Variants in HMGN2 observed in about 807,000 individuals in gnomAD.
HMGN2 encodes high mobility group nucleosomal binding domain 2.
Under a neutral mutation model 16.9 loss-of-function variants are expected in HMGN2, and 2 were observed. The ratio of observed to expected loss-of-function variants is 0.12; its 90% CI spans 0.05 to 0.37. The LOEUF (loss-of-function observed/expected upper bound fraction) is 0.37, where lower values mean the gene tolerates loss of function less well. HMGN2 is among the 10% of genes least tolerant of loss of function. The pLI is 1.00. For synonymous variants in HMGN2, 31 were observed against 34.9 expected, an observed-to-expected ratio of 0.89 and a Z score of 0.39; for missense variants, 90 against 106.0, an observed-to-expected ratio of 0.85 and a Z score of 0.66.
Position 26,473,330 on chromosome 1 carries a change from C to T in HMGN2, c.16-153C>T, listed in dbSNP as rs541791773. 116 of 623,494 alleles carry T rather than the reference C, an allele frequency of 1.9e-4. 1 individual carries two copies. Among genetic ancestry groups the T allele is most frequent in the African/African-American group, 1.8e-3 (100 of 54,280 alleles). 38.6% of individuals were successfully genotyped at this position (623,494 alleles called of 1,614,324 possible). On this transcript the variant is annotated intron_variant, in intron 1 of 5. Coordinates refer to ENST00000361427, the MANE Select transcript of HMGN2 (RefSeq NM_005517.4). Reference sequence around the variant, plus strand: ...CGGCGAGCCGGAGCTCCTGCGCGCGCTTCGTTCTTATACGAACGTCGGGCT... The same window carrying T: ...CGGCGAGCCGGAGCTCCTGCGCGCGTTTCGTTCTTATACGAACGTCGGGCT...
intron 4 of HMGN2, 115 bp downstream of exon 4, chr1:26,474,250 G>A: frequency 2.7e-6 from 2 of 732,026 alleles, no homozygotes; most frequent in Non-Finnish European, 4.5e-6. Context: ...TGTGTGGATA[G>A]CTTACCTCGT....
chr1:26,472,544 G>A lies in HMGN2; in HGVS notation c.-69G>A, dbSNP rs1353583115. Reference sequence around the variant, plus strand: ...AAGAGGCGAGAACGACCCCCGGACCGACCAAAGCCCGCGCGCCGCTGCATC... The same window carrying A: ...AAGAGGCGAGAACGACCCCCGGACCAACCAAAGCCCGCGCGCCGCTGCATC... On this transcript the variant is annotated 5_prime_UTR_variant, in exon 1 of 6. Coordinates refer to ENST00000361427, the MANE Select transcript of HMGN2 (RefSeq NM_005517.4). 2.6e-6 allele frequency: 4 copies of A among 1,530,502 alleles called. No homozygotes were observed. The highest frequency in any genetic ancestry group is 4.9e-5 in the East Asian group (2 of 40,772). The allele number at this position is 1,530,502 out of a possible 1,614,324, so 94.8% of individuals were successfully genotyped here. A position where few individuals can be genotyped will look rare whatever the true frequency, so the allele number is the denominator to read the frequency against.
chr1:26,472,737 T>C (rs1373664628), intron 1 of HMGN2, 110 bp downstream of exon 1: 7 of 979,804 alleles, frequency 7.1e-6, no homozygotes, highest in Non-Finnish European at 8.6e-6. Flanking sequence ...CAGCGCAGCC[T>C]CCCCGCGCGG....
Position 26,475,369 on chromosome 1 carries a change from C to CTT in HMGN2, c.*223_*224dup, listed in dbSNP as rs1423390525. 4.9e-6 allele frequency: 2 copies of CTT among 411,992 alleles called. No homozygotes were observed. The highest frequency in any genetic ancestry group is 8.7e-6 in the Non-Finnish European group (2 of 230,556). 25.5% of individuals were successfully genotyped at this position (411,992 alleles called of 1,614,324 possible). A position where few individuals can be genotyped will look rare whatever the true frequency, so the allele number is the denominator to read the frequency against. ...AGCTGGATTGATGTGGAGAAAACAC[C>CTT]TTTCCCTTCTAGTTTTGAGAGACTT... On this transcript the variant is annotated 3_prime_UTR_variant, in exon 6 of 6. Transcript: ENST00000361427.
rs563195125 is a variant in HMGN2, at chr1:26,475,305, T to C, written c.*157T>C. ...ACACAGAACACTTCATTGTTGTTTTTGGGGGAAGGGGCATATGTCACTAAT... is the reference window on the plus strand; with the variant it reads ...ACACAGAACACTTCATTGTTGTTTTCGGGGGAAGGGGCATATGTCACTAAT... On this transcript the variant is annotated 3_prime_UTR_variant, in exon 6 of 6. Coordinates refer to ENST00000361427, the MANE Select transcript of HMGN2 (RefSeq NM_005517.4). 1 of 530,366 alleles carries C rather than the reference T, an allele frequency of 1.9e-6. No homozygotes were observed. The highest frequency in any genetic ancestry group is 1.9e-5 in the African/African-American group (1 of 52,012). 32.9% of individuals were successfully genotyped at this position (530,366 alleles called of 1,614,324 possible).
chr1:26,474,094 C>G lies in HMGN2; in HGVS notation c.100C>G (p.Pro34Ala). The change falls in exon 4 of 6, where the codon CCT (proline) becomes GCT (alanine). Residue 34 changes from proline (P) to alanine (A), a missense_variant. By Grantham distance (27) the Pro-to-Ala change is conservative (BLOSUM62 -1). Coordinates refer to ENST00000361427, the MANE Select transcript of HMGN2 (RefSeq NM_005517.4). ...TTCCTGCCAAAAAAAGAAACCTGCTCCTCCAAAGCCAGAGCCCAAGCCTAA... is the reference window on the plus strand; with the variant it reads ...TTCCTGCCAAAAAAAGAAACCTGCTGCTCCAAAGCCAGAGCCCAAGCCTAA... The part of the protein sequence containing the change: ...RSARLSAKPA[P>A]PKPEPKPKKA... 6.2e-7 allele frequency: 1 copy of G among 1,611,362 alleles called. No homozygotes were observed. The highest frequency in any genetic ancestry group is 1.1e-5 in the South Asian group (1 of 90,706).
chr1:26,473,850 T>G (rs550079083), intron 3 of HMGN2, 118 bp downstream of exon 3: 7 of 1,058,928 alleles, frequency 6.6e-6, no homozygotes, highest in Admixed American at 2.0e-5. Context: ...TTGCCTCTAC[T>G]TGGGACTCTT....
rs112925635 is a variant in HMGN2 at position 26,472,457 on chromosome 1, G to A, written c.-156G>A. 9.1e-6 allele frequency: 8 copies of A among 877,816 alleles called. No homozygotes were observed. The highest frequency in any genetic ancestry group is 5.3e-5 in the African/African-American group (3 of 56,886). 54.4% of individuals were successfully genotyped at this position (877,816 alleles called of 1,614,324 possible). On this transcript the variant is annotated 5_prime_UTR_variant, in exon 1 of 6. Transcript: ENST00000361427. ...CGGGAGGTGAAATCCGGTTCTAACCGGTCCGGGGCTCCCAGCGCTATAAAA... is the reference window on the plus strand; with the variant it reads ...CGGGAGGTGAAATCCGGTTCTAACCAGTCCGGGGCTCCCAGCGCTATAAAA...
At chr1:26,473,044 G>GGCGGGGCCATACCGCACAAGCC (rs1488332740) in intron 1 of HMGN2, among the ~76,000 whole-genome samples, 1 of 151,460 alleles carries the variant, frequency 6.6e-6, no homozygotes, top group Non-Finnish European at 1.5e-5. Context: ...GCCGTGAGGG[G>GGCGGGGCCATACCGCACAAGCC]CGGGGCTTGT....
intron 3 of HMGN2, 147 bp downstream of exon 3, chr1:26,473,879 G>T: frequency 1.1e-6 from 1 of 894,810 alleles, no homozygotes. Context: ...GGGTTTTGCT[G>T]GTTCTGAAAT....
chr1:26,473,858 CTT>C, intron 3 of HMGN2, 126 bp downstream of exon 3: 1 of 1,023,394 alleles, frequency 9.8e-7, no homozygotes, highest in Middle Eastern at 2.1e-4. Flanking sequence ...ACTTGGGACT[CTT>C]GCCCCTTTGG....
Position 26,473,711 on chromosome 1 carries a change from A to G in HMGN2, c.69A>G (p.Arg23=). 1.2e-6 allele frequency: 2 copies of G among 1,614,106 alleles called. No individual in the cohort carries two copies. Among genetic ancestry groups the G allele is most frequent in the South Asian group, 1.1e-5 (1 of 91,068 alleles). The change falls in exon 3 of 6, where the codon AGA becomes AGG. Residue 23 remains arginine (R), a synonymous_variant. Transcript: ENST00000361427. The part of the protein sequence containing the change: ...DKAKVKDEPQ[R]RSARLSAKPA... ...CTCGTTGTCTTTAATAGCCACAGAG[A>G]AGATCCGCGAGGTTGTCTGCTGTAA...
Position 26,472,594 on chromosome 1 carries a change from T to TGCCGTC in HMGN2, c.-14_-9dup, listed in dbSNP as rs1286474768. ...CCCGCGTCCAGCACCTACGTCCCGC[T>TGCCGTC]GCCGTCGCCGCCGCCACCATGCCCA... is the stretch of plus-strand genomic sequence containing the variant. On this transcript the variant is annotated 5_prime_UTR_variant, in exon 1 of 6. Transcript: ENST00000361427. The TGCCGTC allele has an allele frequency of 6.5e-7, 1 of 1,534,528 alleles. No homozygotes were observed. Among genetic ancestry groups the TGCCGTC allele is most frequent in the East Asian group, 2.4e-5 (1 of 40,956 alleles).
At chr1:26,474,751 T>C in intron 5 of HMGN2, 84 bp downstream of exon 5, 1 of 725,598 alleles carries the variant, frequency 1.4e-6, no homozygotes, top group Non-Finnish European at 2.5e-6. Context: ...TTTTCTTGTA[T>C]CACTCCAAAT....
At chr1:26,473,667 C>G (rs1368785167) in intron 2 of HMGN2, 36 bp from the exon 3 acceptor site, 5 of 1,611,230 alleles carry the variant, frequency 3.1e-6, no homozygotes, top group Non-Finnish European at 4.2e-6. Context: ...AGCGACTTAC[C>G]TGTCCTATTT....
At chr1:26,473,377 AGTT>A (rs1303588907) in intron 1 of HMGN2, 103 bp from the exon 2 acceptor site, 2 of 801,080 alleles carry the variant, frequency 2.5e-6, no homozygotes, top group African/African-American at 3.5e-5. Flanking sequence ...GTCCTAGAAA[AGTT>A]GTGTGGACGA....
chr1:26,474,032 C>G lies in HMGN2; in HGVS notation c.91-53C>G, dbSNP rs368548855. ...CTTTTGGTTGGTTGTGGGTGGTTTT[C>G]TTCAGTCCATTGTACTGATGTTCAC... On this transcript the variant is annotated intron_variant, in intron 3 of 5. Transcript: ENST00000361427. The G allele has an allele frequency of 1.2e-4, 173 of 1,481,728 alleles. 1 individual carries two copies. The African/African-American group carries it at 2.1e-3, about 18-fold the overall frequency. 91.8% of individuals were successfully genotyped at this position (1,481,728 alleles called of 1,614,324 possible).
intron 5 of HMGN2, 72 bp downstream of exon 5, chr1:26,474,739 C>T (rs781775787): frequency 1.3e-6 from 1 of 753,248 alleles, no homozygotes. Context: ...ATTTAATTGC[C>T]CTTTTCTTGT....
At position 26,475,496 on chromosome 1, in the gene HMGN2, T is replaced by C. The variant is rs989638500; in HGVS notation, c.*348T>C. ...GAAAAACAAATTTGTTTTTATGTCC[T>C]CTTCTCCCTTTCCATCGTTCAGCAT... On this transcript the variant is annotated 3_prime_UTR_variant, in exon 6 of 6. Coordinates refer to ENST00000361427, the MANE Select transcript of HMGN2 (RefSeq NM_005517.4). 4 of 251,086 alleles carry C rather than the reference T, an allele frequency of 1.6e-5. No homozygotes were observed. The highest frequency in any genetic ancestry group is 2.4e-5 in the Non-Finnish European group (3 of 126,858). The allele number at this position is 251,086 out of a possible 1,614,324, so 15.6% of individuals were successfully genotyped here.
Sources: allele counts gnomAD v4.1 joint callset (sites outside exome capture counted in the v4.1 genomes callset), GRCh38; gene constraint gnomAD v4.1.1; transcripts MANE v1.5; gene names NCBI Gene and HGNC (gene_info 2026-07-23, HGNC 2026-07-21).